LPP: variants seen among roughly 807,000 people sequenced by gnomAD.
LPP encodes the protein lipoma-preferred partner.
LPP carries 38 observed loss-of-function variants against 60.4 expected under a neutral mutation model. The ratio of observed to expected loss-of-function variants is 0.63; its 90% CI spans 0.49 to 0.83. LPP has a LOEUF of 0.83. LPP is among the 40% of genes least tolerant of loss of function. LPP has a pLI of 0.00. For missense variants in LPP, 902 were observed against 783.6 expected (o/e 1.15, Z -1.80); for synonymous variants, 328 against 290.8 (o/e 1.13, Z -1.30).
intron 2 of LPP, among the ~76,000 whole-genome samples, chr3:188,261,413 A>C (rs1256722927): frequency 6.6e-6 from 1 of 152,170 alleles, no homozygotes; most frequent in Non-Finnish European, 1.5e-5. Context: ...CGGCATTTAC[A>C]ATTTACGTAA....
At chr3:188,755,855 A>C (rs1730039971) in intron 8 of LPP, among the ~76,000 whole-genome samples, 1 of 125,512 alleles carries the variant, frequency 8.0e-6, no homozygotes, top group African/African-American at 2.8e-5. Flanking sequence ...AAAAAAAAAA[A>C]AAAAAAAAAA....
intron 1 of LPP, among the ~76,000 whole-genome samples, chr3:188,165,839 A>T (rs1205941675): frequency 6.6e-6 from 1 of 152,178 alleles, no homozygotes; most frequent in Non-Finnish European, 1.5e-5. Flanking sequence ...AGCACCTAAG[A>T]AAATTACACG....
chr3:188,420,261 A>G (rs2149026280), intron 4 of LPP, among the ~76,000 whole-genome samples: 1 of 152,212 alleles, frequency 6.6e-6, no homozygotes, highest in Non-Finnish European at 1.5e-5. Context: ...TTGAATTTGC[A>G]TTACACCTTT....
intron 9 of LPP, among the ~76,000 whole-genome samples, chr3:188,770,136 C>G (rs1047265444): frequency 4.0e-5 from 6 of 150,154 alleles, no homozygotes; most frequent in Non-Finnish European, 8.9e-5. Context: ...AGGAAAGGAG[C>G]CTATTCCTCA....
rs1769953712 is a variant in LPP, at chr3:188,881,139, C to CAAAAAAAAAAAGAAAAAAAA, written c.*6671_*6672insGAAAAAAAAAAAAAAAAAAA. 1 of 72,388 alleles carries CAAAAAAAAAAAGAAAAAAAA rather than the reference C, an allele frequency of 1.4e-5. No homozygotes were observed. The highest frequency in any genetic ancestry group is 3.1e-5 in the Non-Finnish European group (1 of 32,568). 4.5% of individuals were successfully genotyped at this position (72,388 alleles called of 1,614,324 possible). On this transcript the variant is annotated 3_prime_UTR_variant, in exon 12 of 12. Coordinates refer to ENST00000617246, the MANE Select transcript of LPP (RefSeq NM_001375462.1). ...TGGGCGAAAGAGCGAGACTCCGTCT[C>CAAAAAAAAAAAGAAAAAAAA]AAAAAAAAAAAAAAAAAAATAGGAT... is the stretch of plus-strand genomic sequence containing the variant.
At chr3:188,601,807 G>A (rs1456897474) in intron 6 of LPP, among the ~76,000 whole-genome samples, 6 of 151,926 alleles carry the variant, frequency 3.9e-5, no homozygotes, top group Non-Finnish European at 7.4e-5. Context: ...GGTGGCTCAC[G>A]CCTGTAATCC....
At chr3:188,317,743 A>C (rs1328628422) in intron 2 of LPP, among the ~76,000 whole-genome samples, 1 of 151,778 alleles carries the variant, frequency 6.6e-6, no homozygotes, top group African/African-American at 2.4e-5. Context: ...ATAATGCCTG[A>C]AATGCTGTAT....
chr3:188,494,789 G>A (rs890827173), intron 5 of LPP, among the ~76,000 whole-genome samples: 7 of 152,002 alleles, frequency 4.6e-5, no homozygotes, highest in African/African-American at 1.7e-4. Flanking sequence ...CTGCATGACT[G>A]TAACGTGCTG....
chr3:188,324,759 A>G (rs762574803), intron 2 of LPP, among the ~76,000 whole-genome samples: 2 of 152,172 alleles, frequency 1.3e-5, no homozygotes, highest in Non-Finnish European at 1.5e-5. Context: ...TGGTCAGATC[A>G]TATCACACCC....
chr3:188,771,978 TC>T (rs1455434942), intron 9 of LPP, among the ~76,000 whole-genome samples: 2 of 136,778 alleles, frequency 1.5e-5, no homozygotes, highest in Non-Finnish European at 3.3e-5. Flanking sequence ...AGTTCTGGAC[TC>T]CTCCCCAGAA....
At chr3:188,676,197 T>C (rs1560048782) in intron 7 of LPP, among the ~76,000 whole-genome samples, 1 of 152,310 alleles carries the variant, frequency 6.6e-6, no homozygotes, top group East Asian at 1.9e-4. Flanking sequence ...TGTGTATTCA[T>C]GGAATAATCT....
intron 6 of LPP, among the ~76,000 whole-genome samples, chr3:188,529,641 A>G (rs1219998041): frequency 1.3e-5 from 2 of 152,182 alleles, no homozygotes; most frequent in African/African-American, 4.8e-5. Context: ...TTCTGACTTT[A>G]GTTATGTTCA....
intron 6 of LPP, among the ~76,000 whole-genome samples, chr3:188,555,761 T>G (rs1829319405): frequency 6.6e-6 from 1 of 152,062 alleles, no homozygotes; most frequent in African/African-American, 2.4e-5. Context: ...TGAGCTATCT[T>G]TTAGAGATTC....
intron 9 of LPP, among the ~76,000 whole-genome samples, chr3:188,851,913 G>A (rs1223222764): frequency 2.0e-5 from 3 of 152,074 alleles, no homozygotes; most frequent in African/African-American, 4.8e-5. Context: ...CTTTAATCCC[G>A]GCACACTGGG....
intron 4 of LPP, among the ~76,000 whole-genome samples, chr3:188,410,217 C>A (rs1784581856): frequency 6.6e-6 from 1 of 152,164 alleles, no homozygotes; most frequent in Admixed American, 6.6e-5. Context: ...GTAATATAAA[C>A]CTACTTCTCC....
chr3:188,234,535 A>G (rs1658680125), intron 2 of LPP, among the ~76,000 whole-genome samples: 1 of 152,154 alleles, frequency 6.6e-6, no homozygotes, highest in Non-Finnish European at 1.5e-5. Context: ...GGATGCTTTG[A>G]TTTACTGACT....
chr3:188,683,966 G>C lies in LPP; in HGVS notation c.1114-24301G>C, dbSNP rs79214816. On this transcript the variant is annotated intron_variant, in intron 7 of 11. Coordinates refer to ENST00000617246, the MANE Select transcript of LPP (RefSeq NM_001375462.1). ...ACACTAGACTTGAAGTCGGGAAACC[G>C]GAGTGTTGTCATTTTAATCTCAGGC... Among the ~76,000 whole-genome samples the C allele has an allele frequency of 1.4e-4, 22 of 152,316 alleles. No homozygotes were observed. In the East Asian group the frequency reaches 3.3e-3, roughly 23 times the overall value.
At chr3:188,734,969 T>A (rs186425292) in intron 8 of LPP, among the ~76,000 whole-genome samples, 2 of 152,316 alleles carry the variant, frequency 1.3e-5, no homozygotes, top group Admixed American at 1.3e-4. Flanking sequence ...CCAGCAGTCA[T>A]TCACCCTTGA....
At chr3:188,288,740 A>G (rs1330106984) in intron 2 of LPP, among the ~76,000 whole-genome samples, 1 of 152,046 alleles carries the variant, frequency 6.6e-6, no homozygotes, top group Non-Finnish European at 1.5e-5. Context: ...GTCCGGGTTG[A>G]AATACTTCTG....
Sources: gnomAD v4.1 joint callset for allele counts (sites outside exome capture counted in the v4.1 genomes callset) on GRCh38, gnomAD v4.1.1 for gene constraint, MANE v1.5 for transcripts, NCBI Gene and HGNC (gene_info 2026-07-23, HGNC 2026-07-21) for gene names.